The following ZNF480 variants were observed in gnomAD, a reference collection of about 807,000 sequenced individuals.
ZNF480 encodes the protein zinc finger protein 480.
In ZNF480, 15 loss-of-function variants were observed where a neutral mutation model predicts 14.4. The observed-to-expected ratio is 1.04, with a 90% CI of 0.70 to 1.60. The LOEUF is 1.60. Ranked by LOEUF, ZNF480 falls within the 40% of genes most tolerant of loss-of-function variation. The pLI, the probability that ZNF480 is intolerant of heterozygous loss-of-function variation, is 0.00. For synonymous variants in ZNF480, 218 were observed against 215.5 expected (o/e 1.01, Z -0.10); for missense variants, 593 against 629.7 (o/e 0.94, Z 0.62).
intron 4 of ZNF480, among the ~76,000 whole-genome samples, chr19:52,320,225 G>C (rs1400620974): frequency 1.3e-5 from 2 of 152,118 alleles, no homozygotes; most frequent in African/African-American, 4.8e-5. Flanking sequence ...TTGTGTTTCA[G>C]CTCCAGAATG....
intron 2 of ZNF480, among the ~76,000 whole-genome samples, chr19:52,308,338 G>A (rs535201300): frequency 3.9e-5 from 5 of 126,638 alleles, no homozygotes; most frequent in Admixed American, 3.7e-4. Flanking sequence ...ACCGAGTCTT[G>A]CTCTGTCATC....
chr19:52,306,002 C>T (rs770764146), intron 2 of ZNF480, among the ~76,000 whole-genome samples: 2 of 152,144 alleles, frequency 1.3e-5, no homozygotes, highest in Non-Finnish European at 2.9e-5. Flanking sequence ...ATCATGCTTC[C>T]CCCAGTTAAA....
At position 52,324,895 on chromosome 19, in the gene ZNF480, C is replaced by T. The variant is rs982806522; in HGVS notation, c.*2037C>T. 2 of 152,066 alleles carry T rather than the reference C, an allele frequency of 1.3e-5. No individual in the cohort carries two copies. Among genetic ancestry groups the T allele is most frequent in the African/African-American group, 2.4e-5 (1 of 41,390 alleles). 9.4% of individuals were successfully genotyped at this position (152,066 alleles called of 1,614,324 possible). ...TGGAAAAGACTTAATGATGAACACC[C>T]CAAAGCAATTGCAACAAAAACAAAA... On this transcript the variant is annotated 3_prime_UTR_variant, in exon 5 of 5. Coordinates refer to ENST00000595962, the MANE Select transcript of ZNF480 (RefSeq NM_144684.4).
chr19:52,317,108 T>G (rs1260961304), intron 4 of ZNF480, among the ~76,000 whole-genome samples: 1 of 151,132 alleles, frequency 6.6e-6, no homozygotes, highest in Admixed American at 6.6e-5. Context: ...ACCTCCACCC[T>G]CTGGGTTCAA....
At chr19:52,315,061 T>G (rs1179007363) in intron 3 of ZNF480, among the ~76,000 whole-genome samples, 3 of 151,964 alleles carry the variant, frequency 2.0e-5, no homozygotes, top group Non-Finnish European at 4.4e-5. Context: ...CTCCCAGGCT[T>G]AAGCAATTCG....
rs1227442410 is a variant in ZNF480, at chr19:52,325,885, A to G, written c.*3027A>G. ...ACATGCAGTTGACCCATGTACACAT[A>G]CTCCTTGAACCTAAAATAAAACATG... On this transcript the variant is annotated 3_prime_UTR_variant, in exon 5 of 5. Transcript: ENST00000595962. 4 of 152,212 alleles carry G rather than the reference A, an allele frequency of 2.6e-5. No homozygotes were observed. Among genetic ancestry groups the G allele is most frequent in the African/African-American group, 9.7e-5 (4 of 41,448 alleles). 9.4% of individuals were successfully genotyped at this position (152,212 alleles called of 1,614,324 possible).
chr19:52,323,130 C>G lies in ZNF480; in HGVS notation c.*272C>G, dbSNP rs371172198. ...AGAAATGACAAAGGGGACATTACCA[C>G]CAACCCCACAGAAATACGAAAAACC... On this transcript the variant is annotated 3_prime_UTR_variant, in exon 5 of 5. Transcript: ENST00000595962. 1.4e-3 allele frequency: 438 copies of G among 317,398 alleles called. 1 individual carries two copies. Among genetic ancestry groups the G allele is most frequent in the African/African-American group, 9.1e-3 (422 of 46,418 alleles). The allele number at this position is 317,398 out of a possible 1,614,324, so 19.7% of individuals were successfully genotyped here.
chr19:52,300,313 G>A (rs1217955047), intron 1 of ZNF480, 81 bp from the exon 2 acceptor site: 3 of 1,472,892 alleles, frequency 2.0e-6, no homozygotes, highest in East Asian at 2.3e-5. Context: ...GCAGGGTGAG[G>A]TCTAACCTGT....
At chr19:52,313,336 C>T (rs1363248430) in intron 2 of ZNF480, among the ~76,000 whole-genome samples, 1 of 151,736 alleles carries the variant, frequency 6.6e-6, no homozygotes, top group Admixed American at 6.6e-5. Flanking sequence ...CGGGGTTTCA[C>T]CATGTTGGCC....
At position 52,314,186 on chromosome 19, in the gene ZNF480, T is replaced by G. The variant is rs1227074687; in HGVS notation, c.106T>G (p.Phe36Val). ...AACATTCAGGGACGTGGCCATAGAA[T>G]TCTCTCAGGCGGAGTGGAAATGCCT... Reference protein sequence around the residue: ...HLTFRDVAIEFSQAEWKCLDP... With the variant: ...HLTFRDVAIEVSQAEWKCLDP... Residue 36 changes from phenylalanine to valine, a missense_variant, in exon 3 of 5, where the codon TTC (phenylalanine) becomes GTC (valine). By Grantham distance (50) the Phe-to-Val change is conservative. Transcript: ENST00000595962. The G allele has an allele frequency of 6.3e-7, 1 of 1,580,732 alleles. No homozygotes were observed. The highest frequency in any genetic ancestry group is 1.7e-5 in the Admixed American group (1 of 58,810).
At position 52,323,097 on chromosome 19, in the gene ZNF480, A is replaced by C. The variant is rs1225945702; in HGVS notation, c.*239A>C. On this transcript the variant is annotated 3_prime_UTR_variant, in exon 5 of 5. Transcript: ENST00000595962. Reference sequence around the variant, plus strand: ...CACCTTGCAAAAGGAGATCTAAAAAACACAATCAGAAATGACAAAGGGGAC... The same window carrying C: ...CACCTTGCAAAAGGAGATCTAAAAACCACAATCAGAAATGACAAAGGGGAC... The C allele has an allele frequency of 2.7e-6, 1 of 367,790 alleles. No homozygotes were observed. The highest frequency in any genetic ancestry group is 2.1e-5 in the African/African-American group (1 of 47,666). 22.8% of individuals were successfully genotyped at this position (367,790 alleles called of 1,614,324 possible).
intron 4 of ZNF480, among the ~76,000 whole-genome samples, chr19:52,320,122 A>T (rs1353814649): frequency 1.3e-5 from 2 of 151,950 alleles, no homozygotes; most frequent in African/African-American, 4.8e-5. Context: ...GGTGGAGCTG[A>T]TACTTTTGAA....
rs1984002278 is a variant in ZNF480, at chr19:52,324,544, A to ATAG, written c.*1686_*1687insTAG. 1 of 152,180 alleles carries ATAG rather than the reference A, an allele frequency of 6.6e-6. No homozygotes were observed. The highest frequency in any genetic ancestry group is 2.4e-5 in the African/African-American group (1 of 41,442). The allele number at this position is 152,180 out of a possible 1,614,324, so 9.4% of individuals were successfully genotyped here. On this transcript the variant is annotated 3_prime_UTR_variant, in exon 5 of 5. Transcript: ENST00000595962. ...ACACTACCCAACTTTAAACCATACTACAAGGCTACAGCAACTAAAACAGCA... is the reference window on the plus strand; with the variant it reads ...ACACTACCCAACTTTAAACCATACTATAGCAAGGCTACAGCAACTAAAACAGCA...
intron 2 of ZNF480, among the ~76,000 whole-genome samples, chr19:52,312,583 T>A (rs1258920524): frequency 6.6e-6 from 1 of 152,224 alleles, no homozygotes; most frequent in African/African-American, 2.4e-5. Context: ...GGTTTGGTTC[T>A]AATGCCCGGA....
At chr19:52,306,177 C>T (rs1982919563) in intron 2 of ZNF480, among the ~76,000 whole-genome samples, 1 of 152,170 alleles carries the variant, frequency 6.6e-6, no homozygotes, top group African/African-American at 2.4e-5. Flanking sequence ...GCTTGGCACT[C>T]AGGATTGGCA....
At chr19:52,317,578 C>CT (rs1305713692) in intron 4 of ZNF480, 1 of 152,246 alleles carries the variant, frequency 6.6e-6, no homozygotes, top group African/African-American at 2.4e-5. Flanking sequence ...ACCATGTTGA[C>CT]TAGGCTGGTC....
chr19:52,299,204 TAGC>T (rs1283283602), intron 1 of ZNF480, among the ~76,000 whole-genome samples: 2 of 152,304 alleles, frequency 1.3e-5, no homozygotes, highest in Admixed American at 6.5e-5. Context: ...GTGTAAAAGA[TAGC>T]AGGAAAACCA....
chr19:52,313,132 CTCTT>C (rs1983370659), intron 2 of ZNF480, among the ~76,000 whole-genome samples: 1 of 67,452 alleles, frequency 1.5e-5, no homozygotes, highest in African/African-American at 1.1e-4. Flanking sequence ...ATAATTCTTT[CTCTT>C]TTTTTTTTTT....
chr19:52,321,941 T>G lies in ZNF480; in HGVS notation c.691T>G (p.Tyr231Asp), dbSNP rs1983838977. 1 of 1,614,104 alleles carries G rather than the reference T, an allele frequency of 6.2e-7. No individual in the cohort carries two copies. The highest frequency in any genetic ancestry group is 8.5e-7 in the Non-Finnish European group (1 of 1,180,000). The change falls in exon 5 of 5, where the codon TAC (tyrosine) becomes GAC (aspartate). Residue 231 changes from tyrosine to aspartate, a missense_variant. By Grantham distance (160) the Tyr-to-Asp change is radical. Transcript: ENST00000595962. ...AGTAATCCATACTGTAGAGAAACCT[T>G]ACAAATGTAATTCATGCGGCAAGGT... ...HQVIHTVEKP[Y>D]KCNSCGKVFS...
Sources: gnomAD v4.1 joint callset for allele counts (sites outside exome capture counted in the v4.1 genomes callset) on GRCh38, gnomAD v4.1.1 for gene constraint, MANE v1.5 for transcripts, NCBI Gene and HGNC (gene_info 2026-07-23, HGNC 2026-07-21) for gene names.